The following COL14A1 variants were observed in gnomAD, a reference collection of about 807,000 sequenced individuals.
The protein encoded by COL14A1 is collagen type XIV alpha 1 chain.
COL14A1 carries 136 observed loss-of-function variants against 230.3 expected under a neutral mutation model. The ratio of observed to expected loss-of-function variants is 0.59; its 90% CI spans 0.51 to 0.68. COL14A1 has a LOEUF of 0.68. COL14A1 is among the 30% of genes least tolerant of loss of function. The probability of loss-of-function intolerance (pLI) is 0.00; values close to 1 mark genes in which losing one functional copy is unlikely to be tolerated. For missense variants in COL14A1, 1,976 were observed against 2,215.8 expected (o/e 0.89, Z 2.17); for synonymous variants, 792 against 784.1 (o/e 1.01, Z -0.17).
At chr8:120,128,306 CT>C (rs1468313310) in intron 1 of COL14A1, among the ~76,000 whole-genome samples, 1 of 151,362 alleles carries the variant, frequency 6.6e-6, no homozygotes, top group Non-Finnish European at 1.5e-5. Context: ...GGGTATCTGC[CT>C]TTTTCTCTTT....
At chr8:120,348,539 G>A (rs747647444) in intron 45 of COL14A1, among the ~76,000 whole-genome samples, 2 of 152,024 alleles carry the variant, frequency 1.3e-5, no homozygotes, top group Non-Finnish European at 2.9e-5. Flanking sequence ...GGGAAAGGGT[G>A]GGAAGTGGGT....
chr8:120,277,110 G>A (rs919807172), intron 26 of COL14A1, among the ~76,000 whole-genome samples: 2 of 152,106 alleles, frequency 1.3e-5, no homozygotes, highest in Non-Finnish European at 2.9e-5. Context: ...AAAGCCAGTT[G>A]TAAGAACTGA....
At chr8:120,283,800 A>G in intron 32 of COL14A1, 22 bp downstream of exon 32, 1 of 1,596,402 alleles carries the variant, frequency 6.3e-7, no homozygotes, top group Middle Eastern at 1.7e-4. Flanking sequence ...TATTGAGATC[A>G]CATTCACATA....
At chr8:120,269,354 A>C (rs548254538) in intron 25 of COL14A1, among the ~76,000 whole-genome samples, 1 of 151,880 alleles carries the variant, frequency 6.6e-6, no homozygotes. Context: ...TGCTTTGTTT[A>C]ATTCTTTTTG....
chr8:120,344,502 C>T (rs1178997247), intron 44 of COL14A1, among the ~76,000 whole-genome samples: 1 of 152,208 alleles, frequency 6.6e-6, no homozygotes, highest in East Asian at 1.9e-4. Context: ...AAATGTCTCA[C>T]CTGCCCAGGC....
At chr8:120,370,264 G>A (rs1040238018) in intron 47 of COL14A1, 2 of 1,492,046 alleles carry the variant, frequency 1.3e-6, no homozygotes, top group African/African-American at 2.8e-5. Flanking sequence ...GGTCAACAAA[G>A]TTTTGCTGAT....
intron 5 of COL14A1, among the ~76,000 whole-genome samples, 162 bp downstream of exon 5, chr8:120,168,409 G>T (rs928248533): frequency 2.6e-5 from 4 of 152,028 alleles, no homozygotes; most frequent in Non-Finnish European, 1.5e-5. Context: ...CACACAAGAT[G>T]ACCCCCAACC....
chr8:120,260,211 A>G (rs1443314150), intron 23 of COL14A1, among the ~76,000 whole-genome samples: 5 of 152,154 alleles, frequency 3.3e-5, no homozygotes, highest in Non-Finnish European at 7.4e-5. Flanking sequence ...ATTCATTTAT[A>G]TTTTTAAAAG....
intron 14 of COL14A1, among the ~76,000 whole-genome samples, chr8:120,223,810 A>G (rs943645316): frequency 6.6e-6 from 1 of 152,102 alleles, no homozygotes; most frequent in Non-Finnish European, 1.5e-5. Flanking sequence ...GTATCACCAC[A>G]GTTGGGGCAC....
intron 5 of COL14A1, among the ~76,000 whole-genome samples, chr8:120,183,099 T>A (rs182124170): frequency 6.6e-6 from 1 of 152,290 alleles, no homozygotes; most frequent in Non-Finnish European, 1.5e-5. Flanking sequence ...GTTTTAGGTA[T>A]CTTGTATTGT....
rs1482373284 is a variant in COL14A1 at position 120,371,269 on chromosome 8, T to C, written c.*38T>C. 2.0e-6 allele frequency: 3 copies of C among 1,502,474 alleles called. No individual in the cohort carries two copies. The highest frequency in any genetic ancestry group is 2.8e-6 in the Non-Finnish European group (3 of 1,089,618). The allele number at this position is 1,502,474 out of a possible 1,614,324, so 93.1% of individuals were successfully genotyped here. ...AAATTTGAAGACCAACTGCAAGAAC[T>C]CTTAAGGAATCTTGTTTGAGAAAAT... is the stretch of plus-strand genomic sequence containing the variant. On this transcript the variant is annotated 3_prime_UTR_variant, in exon 48 of 48. Coordinates refer to ENST00000297848, the MANE Select transcript of COL14A1 (RefSeq NM_021110.4).
chr8:120,147,488 TA>T (rs1336584885), intron 1 of COL14A1, among the ~76,000 whole-genome samples: 1 of 152,192 alleles, frequency 6.6e-6, no homozygotes, highest in African/African-American at 2.4e-5. Context: ...GGATTGATGA[TA>T]ATGCTAATTT....
chr8:120,136,097 C>G (rs1000394858), intron 1 of COL14A1, among the ~76,000 whole-genome samples: 1 of 151,854 alleles, frequency 6.6e-6, no homozygotes. Context: ...CCTTTTATTT[C>G]TTTTTCTTGC....
chr8:120,344,829 G>T (rs1822442384), intron 44 of COL14A1, among the ~76,000 whole-genome samples: 2 of 152,088 alleles, frequency 1.3e-5, no homozygotes. Flanking sequence ...TGAGTTAAGG[G>T]ATTGTGGGAG....
rs551300076 is a variant in COL14A1, at chr8:120,158,162, A to G, written c.121A>G (p.Ile41Val). The G allele has an allele frequency of 3.7e-6, 6 of 1,604,176 alleles. No homozygotes were observed. The highest frequency in any genetic ancestry group is 2.3e-5 in the East Asian group (1 of 44,368). The change falls in exon 3 of 48, where the codon ATA becomes GTA. Residue 41 changes from isoleucine to valine, a missense_variant. Transcript: ENST00000297848. ...APPTRLRYNV[I>V]SHDSIQISWK... The stretch of plus-strand genomic sequence containing the variant: ...ACCCACAAGGTTAAGATATAATGTA[A>G]TATCTCATGACAGTATACAGATTTC...
chr8:120,158,679 A>G (rs1297569217), intron 3 of COL14A1, among the ~76,000 whole-genome samples: 4 of 152,216 alleles, frequency 2.6e-5, no homozygotes, highest in Non-Finnish European at 5.9e-5. Flanking sequence ...CAGGAAAAAC[A>G]TAAGTTGAAC....
Position 120,215,056 on chromosome 8 carries a change from G to A in COL14A1, c.1598-1295G>A, listed in dbSNP as rs552714435. On this transcript the variant is annotated intron_variant, in intron 13 of 47. Coordinates refer to ENST00000297848, the MANE Select transcript of COL14A1 (RefSeq NM_021110.4). ...GATGGAACCAGTGAAATAGCAGCAGGCCACTGATGTAGGGCCATAAAGACC... is the reference window on the plus strand; with the variant it reads ...GATGGAACCAGTGAAATAGCAGCAGACCACTGATGTAGGGCCATAAAGACC... Among the ~76,000 whole-genome samples the A allele has an allele frequency of 3.3e-5, 5 of 152,294 alleles. No homozygotes were observed. In the South Asian group the frequency reaches 1.0e-3, roughly 32 times the overall value.
intron 45 of COL14A1, among the ~76,000 whole-genome samples, chr8:120,348,012 A>G (rs986104730): frequency 2.0e-5 from 3 of 152,086 alleles, no homozygotes; most frequent in Non-Finnish European, 2.9e-5. Flanking sequence ...GTCTTCCTAA[A>G]AAAATTCACT....
chr8:120,189,813 CTCA>C (rs987849699), intron 5 of COL14A1, among the ~76,000 whole-genome samples: 1 of 152,106 alleles, frequency 6.6e-6, no homozygotes, highest in Non-Finnish European at 1.5e-5. Flanking sequence ...AGGACATGAA[CTCA>C]TCATGTTTTA....
Sources: allele counts gnomAD v4.1 joint callset (sites outside exome capture counted in the v4.1 genomes callset), GRCh38; gene constraint gnomAD v4.1.1; transcripts MANE v1.5; gene names NCBI Gene and HGNC (gene_info 2026-07-23, HGNC 2026-07-21).